Variants in XYLT1 observed in about 807,000 individuals in gnomAD.
XYLT1 encodes the protein beta-D-xylosyltransferase 1.
In XYLT1, 36 loss-of-function variants were observed where a neutral mutation model predicts 91.3. That is an observed-to-expected ratio of 0.39 (90% CI 0.30 to 0.52). The LOEUF (loss-of-function observed/expected upper bound fraction) is 0.52. Ranked by LOEUF, XYLT1 falls within the 20% of genes least tolerant of loss-of-function variation. The pLI is 0.68. For synonymous variants in XYLT1, 588 were observed against 532.0 expected (o/e 1.11, Z -1.45); for missense variants, 1,242 against 1,284.5 (o/e 0.97, Z 0.51).
intron 11 of XYLT1, among the ~76,000 whole-genome samples, chr16:17,109,781 G>T (rs1191746511): frequency 2.0e-5 from 3 of 152,190 alleles, no homozygotes; most frequent in Admixed American, 1.3e-4. Context: ...TGACTCCTGG[G>T]TTGGAGAGTG....
intron 5 of XYLT1, among the ~76,000 whole-genome samples, chr16:17,164,652 A>T (rs1214582306): frequency 6.6e-6 from 1 of 152,184 alleles, no homozygotes; most frequent in Non-Finnish European, 1.5e-5. Context: ...GACTTATTTA[A>T]CTAGCACCAT....
At chr16:17,124,833 A>C (rs1022176831) in intron 10 of XYLT1, among the ~76,000 whole-genome samples, 5 of 152,156 alleles carry the variant, frequency 3.3e-5, no homozygotes, top group African/African-American at 9.7e-5. Context: ...GTTAATTTGA[A>C]AGCCTTGTCT....
intron 6 of XYLT1, among the ~76,000 whole-genome samples, chr16:17,147,691 G>A (rs2031171815): frequency 1.3e-5 from 2 of 152,216 alleles, no homozygotes; most frequent in Non-Finnish European, 2.9e-5. Context: ...TGGACTAGGA[G>A]ATGGTGGCAG....
chr16:17,127,741 C>T lies in XYLT1; in HGVS notation c.2148G>A (p.Glu716=). ...AGACTTTTTTCGGCATCACCCAGGT[C>T]TCCAGAGTCTCTAGTTTGCTCACAG... ...NLAVSKLETL[E]TWVMPKKVFK... The change falls in exon 10 of 12, where the codon GAG becomes GAA. Residue 716 remains glutamate, a synonymous_variant. Coordinates refer to ENST00000261381, the MANE Select transcript of XYLT1 (RefSeq NM_022166.4). 1 of 1,614,194 alleles carries T rather than the reference C, an allele frequency of 6.2e-7. No homozygotes were observed. The highest frequency in any genetic ancestry group is 8.5e-7 in the Non-Finnish European group (1 of 1,180,034).
intron 1 of XYLT1, among the ~76,000 whole-genome samples, chr16:17,447,723 T>C (rs1005072741): frequency 7.2e-5 from 11 of 152,156 alleles, no homozygotes; most frequent in African/African-American, 2.2e-4. Flanking sequence ...TGGAGGGTGG[T>C]TGGATAGCAG....
At chr16:17,238,832 C>T (rs902619677) in intron 3 of XYLT1, among the ~76,000 whole-genome samples, 2 of 152,368 alleles carry the variant, frequency 1.3e-5, no homozygotes, top group East Asian at 1.9e-4. Flanking sequence ...TTCAGTTTCT[C>T]CCACTTCTAT....
intron 1 of XYLT1, among the ~76,000 whole-genome samples, chr16:17,422,681 T>A (rs149815811): frequency 2.7e-4 from 41 of 152,246 alleles, no homozygotes; most frequent in African/African-American, 9.1e-4. Context: ...CTAATTTTTG[T>A]ATTTTTAGTA....
At position 17,127,694 on chromosome 16, in the gene XYLT1, C is replaced by T; in HGVS notation, c.2195G>A (p.Ser732Asn). The change falls in exon 10 of 12, where the codon AGT (serine) becomes AAT (asparagine). Residue 732 changes from serine to asparagine, a missense_variant. Around this residue, in one of 3 missense-constraint regions of XYLT1, gnomAD observed 511 missense variants for 497.0 expected, o/e 1.03. Transcript: ENST00000261381. ...KKVFKIASPP[S>N]DFGRLQFSEV... ...GGAAAACTGAAGCCTCCCAAAGTCA[C>T]TGGGTGGGCTTGCGATCTTGAAGAC... 1.2e-6 allele frequency: 2 copies of T among 1,614,108 alleles called. No homozygotes were observed. The highest frequency in any genetic ancestry group is 2.2e-5 in the South Asian group (2 of 91,072).
chr16:17,184,984 C>T (rs2032152662), intron 5 of XYLT1, among the ~76,000 whole-genome samples: 1 of 152,188 alleles, frequency 6.6e-6, no homozygotes, highest in African/African-American at 2.4e-5. Flanking sequence ...TCTTGTCTTC[C>T]ACCACATCCT....
intron 3 of XYLT1, among the ~76,000 whole-genome samples, chr16:17,209,314 G>A (rs1440352146): frequency 2.0e-5 from 3 of 152,158 alleles, no homozygotes; most frequent in South Asian, 2.1e-4. Flanking sequence ...GTTTGTCCAC[G>A]TCGTAGCCTA....
chr16:17,359,782 C>T (rs1163781531), intron 1 of XYLT1, among the ~76,000 whole-genome samples: 1 of 152,174 alleles, frequency 6.6e-6, no homozygotes, highest in Non-Finnish European at 1.5e-5. Context: ...GATTCCTTCC[C>T]AGGGGTGAAG....
At position 17,164,293 on chromosome 16, in the gene XYLT1, A is replaced by AT. The variant is rs35498609; in HGVS notation, c.1290-5385dup. Among the ~76,000 whole-genome samples, 127 of 101,318 alleles carry AT rather than the reference A, an allele frequency of 1.3e-3. 1 individual carries two copies. Among genetic ancestry groups the AT allele is most frequent in the Admixed American group, 7.2e-3 (76 of 10,564 alleles). The allele number at this position is 101,318 out of a possible 152,430, so 66.5% of individuals were successfully genotyped here. A position where few individuals can be genotyped will look rare whatever the true frequency, so the allele number is the denominator to read the frequency against. ...ATGTTTGTGATATTTGATGTCACAA[A>AT]TTTTTTTTTTTTTTTGGAGACAGAG... On this transcript the variant is annotated intron_variant, in intron 5 of 11. Transcript: ENST00000261381.
intron 2 of XYLT1, among the ~76,000 whole-genome samples, chr16:17,298,763 G>A (rs1036745205): frequency 8.6e-5 from 13 of 151,988 alleles, no homozygotes; most frequent in Non-Finnish European, 1.5e-4. Context: ...CTTGCCTCAG[G>A]GCCTTTGCAC....
intron 3 of XYLT1, among the ~76,000 whole-genome samples, chr16:17,242,601 A>T (rs1567338268): frequency 6.6e-6 from 1 of 152,240 alleles, no homozygotes; most frequent in Non-Finnish European, 1.5e-5. Context: ...CATGTTTCAG[A>T]AGAGCTATTT....
intron 3 of XYLT1, among the ~76,000 whole-genome samples, chr16:17,219,236 G>A (rs565200784): frequency 2.8e-5 from 4 of 142,722 alleles, no homozygotes; most frequent in South Asian, 2.2e-4. Flanking sequence ...TGCTGAGGTC[G>A]TGCCACTGTG....
intron 2 of XYLT1, among the ~76,000 whole-genome samples, chr16:17,263,135 T>C (rs2033748142): frequency 6.6e-6 from 1 of 152,160 alleles, no homozygotes; most frequent in Non-Finnish European, 1.5e-5. Flanking sequence ...GGGGCCCTTC[T>C]CTTTCCTTGT....
At chr16:17,191,882 G>C (rs1333332534) in intron 5 of XYLT1, among the ~76,000 whole-genome samples, 1 of 152,208 alleles carries the variant, frequency 6.6e-6, no homozygotes, top group Non-Finnish European at 1.5e-5. Flanking sequence ...GGCAGAAGTA[G>C]CAGGAAAATG....
chr16:17,218,269 A>C (rs1317063495), intron 3 of XYLT1, among the ~76,000 whole-genome samples: 2 of 152,100 alleles, frequency 1.3e-5, no homozygotes, highest in Non-Finnish European at 1.5e-5. Context: ...GAAAAGGCAA[A>C]ACACCAAAAA....
chr16:17,379,200 C>T (rs2035639886), intron 1 of XYLT1, among the ~76,000 whole-genome samples: 1 of 152,206 alleles, frequency 6.6e-6, no homozygotes, highest in South Asian at 2.1e-4. Context: ...CAACCCACCA[C>T]ACTCCGCTCC....
Sources: allele counts gnomAD v4.1 joint callset (sites outside exome capture counted in the v4.1 genomes callset), GRCh38; gene constraint gnomAD v4.1.1; regional missense constraint gnomAD v4.1.1; transcripts MANE v1.5; gene names NCBI Gene and HGNC (gene_info 2026-07-23, HGNC 2026-07-21).